The following NALCN variants were observed in gnomAD, a reference collection of about 807,000 sequenced individuals.
NALCN encodes the protein sodium leak channel NALCN.
A neutral mutation model predicts 225.3 loss-of-function variants in NALCN; 111 were observed. The observed-to-expected ratio is 0.49, with a 90% confidence interval of 0.42 to 0.58. The LOEUF (loss-of-function observed/expected upper bound fraction) is 0.58, where lower values mean the gene tolerates loss of function less well. Ranked by LOEUF, NALCN falls within the 20% of genes least tolerant of loss-of-function variation. NALCN has a pLI of 0.00. For missense variants in NALCN, 1,378 were observed against 2,202.4 expected (o/e 0.63, Z 7.49); for synonymous variants, 764 against 769.0 (o/e 0.99, Z 0.11).
intron 3 of NALCN, among the ~76,000 whole-genome samples, chr13:101,386,071 A>T (rs2046978576): frequency 6.6e-6 from 1 of 152,078 alleles, no homozygotes; most frequent in Non-Finnish European, 1.5e-5. Context: ...ACTTCCTGTT[A>T]TTGTTGGGCA....
intron 18 of NALCN, among the ~76,000 whole-genome samples, chr13:101,118,859 C>T (rs979297080): frequency 6.6e-6 from 1 of 152,158 alleles, no homozygotes. Context: ...TCCCTTTCCA[C>T]TGAGGAGCTG....
intron 15 of NALCN, among the ~76,000 whole-genome samples, chr13:101,158,080 G>A (rs1024962958): frequency 1.3e-5 from 2 of 151,722 alleles, no homozygotes; most frequent in African/African-American, 4.8e-5. Flanking sequence ...TCTTCTTTTG[G>A]GTGTAGCTCC....
At chr13:101,306,765 C>T (rs1301231236) in intron 7 of NALCN, among the ~76,000 whole-genome samples, 2 of 152,182 alleles carry the variant, frequency 1.3e-5, no homozygotes, top group African/African-American at 2.4e-5. Flanking sequence ...ATACAGAAAG[C>T]GAGTTAAGCC....
chr13:101,222,300 C>T (rs2040970542), intron 13 of NALCN, among the ~76,000 whole-genome samples: 2 of 152,156 alleles, frequency 1.3e-5, no homozygotes, highest in Non-Finnish European at 2.9e-5. Flanking sequence ...CAGCCATAGG[C>T]GCTCACCCCC....
chr13:101,142,514 T>C (rs1480372879), intron 17 of NALCN, among the ~76,000 whole-genome samples: 1 of 152,182 alleles, frequency 6.6e-6, no homozygotes, highest in Admixed American at 6.5e-5. Context: ...AAATTTGCTT[T>C]ATTTATATGT....
chr13:101,324,364 A>G (rs1369113009), intron 7 of NALCN, among the ~76,000 whole-genome samples: 1 of 152,210 alleles, frequency 6.6e-6, no homozygotes, highest in Admixed American at 6.5e-5. Context: ...AAACTTTGTA[A>G]CACCAGAATT....
At chr13:101,416,719 C>T (rs927790008), upstream of NALCN, among the ~76,000 whole-genome samples, 1 of 152,110 alleles carries the variant, frequency 6.6e-6, no homozygotes, top group Non-Finnish European at 1.5e-5. Context: ...CCGGCTGCCA[C>T]CCGCAGTCAG....
Position 101,104,257 on chromosome 13 carries a change from C to G in NALCN, c.2889+38G>C. On this transcript the variant is annotated intron_variant, in intron 25 of 43. Transcript: ENST00000251127. The surrounding 1 kb of genome is among the most constrained non-coding windows in gnomAD (Gnocchi z 4.2). ...AGAAATGCAGGAGATTTTACAAAAC[C>G]ATTACATTTTTCATTTAGGCAATAA... The G allele has an allele frequency of 6.4e-7, 1 of 1,563,496 alleles. No homozygotes were observed. The highest frequency in any genetic ancestry group is 8.6e-7 in the Non-Finnish European group (1 of 1,158,936).
chr13:101,131,090 G>A (rs1410904658), intron 17 of NALCN, among the ~76,000 whole-genome samples: 3 of 151,778 alleles, frequency 2.0e-5, no homozygotes, highest in Non-Finnish European at 4.4e-5. Context: ...ATCATCTGAG[G>A]TCTCTTTATG....
intron 15 of NALCN, among the ~76,000 whole-genome samples, chr13:101,165,568 C>G (rs1220433103): frequency 6.6e-6 from 1 of 152,206 alleles, no homozygotes; most frequent in Non-Finnish European, 1.5e-5. Context: ...CTCTTGGGCT[C>G]AAGCAATCCT....
At chr13:101,154,360 T>G (rs2037801209) in intron 15 of NALCN, among the ~76,000 whole-genome samples, 1 of 152,212 alleles carries the variant, frequency 6.6e-6, no homozygotes, top group Non-Finnish European at 1.5e-5. Context: ...TGGTACACTT[T>G]TACTTGTGAA....
At chr13:101,181,909 A>G (rs1204087569) in intron 14 of NALCN, among the ~76,000 whole-genome samples, 2 of 152,132 alleles carry the variant, frequency 1.3e-5, no homozygotes, top group East Asian at 1.9e-4. Context: ...CAAGGCCGGC[A>G]GATCACGAGG....
intron 15 of NALCN, among the ~76,000 whole-genome samples, chr13:101,151,687 T>C (rs1052428467): frequency 8.5e-5 from 13 of 152,212 alleles, no homozygotes; most frequent in Non-Finnish European, 1.8e-4. Context: ...GACATAGCAA[T>C]TCAGAACATA....
At chr13:101,286,762 T>TTTC (rs1351162655) in intron 9 of NALCN, among the ~76,000 whole-genome samples, 1 of 151,928 alleles carries the variant, frequency 6.6e-6, no homozygotes, top group Non-Finnish European at 1.5e-5. Context: ...TATTTTACTA[T>TTTC]TAAAGGCTTA....
At chr13:101,319,199 G>T (rs2044659685) in intron 7 of NALCN, among the ~76,000 whole-genome samples, 1 of 152,186 alleles carries the variant, frequency 6.6e-6, no homozygotes, top group Admixed American at 6.5e-5. Flanking sequence ...AAAGTGCTCA[G>T]AAACTCTTTC....
intron 3 of NALCN, among the ~76,000 whole-genome samples, chr13:101,394,390 C>T (rs2047225685): frequency 6.6e-6 from 1 of 152,156 alleles, no homozygotes; most frequent in African/African-American, 2.4e-5. Context: ...AATTAGCTAA[C>T]TTGAGATGCT....
intron 20 of NALCN, 22 bp from the exon 21 acceptor site, chr13:101,107,811 G>C (rs200891943): frequency 3.8e-6 from 6 of 1,598,624 alleles, no homozygotes; most frequent in African/African-American, 2.7e-5. Context: ...TTAACAGGGG[G>C]TGTGTTAAAA....
chr13:101,118,152 G>T (rs1056642777), intron 18 of NALCN, among the ~76,000 whole-genome samples: 1 of 152,092 alleles, frequency 6.6e-6, no homozygotes, highest in Non-Finnish European at 1.5e-5. Flanking sequence ...GATGTTGATA[G>T]TTGGGGAGAC....
chr13:101,307,134 T>C (rs966135575), intron 7 of NALCN, among the ~76,000 whole-genome samples: 5 of 152,164 alleles, frequency 3.3e-5, no homozygotes, highest in African/African-American at 1.2e-4. Context: ...CTGCTACTAT[T>C]ATGGAGATCC....
Sources: gnomAD v4.1 joint callset for allele counts (sites outside exome capture counted in the v4.1 genomes callset) on GRCh38, gnomAD v4.1.1 for gene constraint, Gnocchi (gnomAD v3.1) non-coding constraint, MANE v1.5 for transcripts, NCBI Gene and HGNC (gene_info 2026-07-23, HGNC 2026-07-21) for gene names.